The following TMEM62 variants were observed in gnomAD, a reference collection of about 807,000 sequenced individuals.
The protein encoded by TMEM62 is transmembrane protein 62.
TMEM62 carries 41 observed loss-of-function variants against 70.4 expected under a neutral mutation model. The ratio of observed to expected loss-of-function variants is 0.58; its 90% CI spans 0.45 to 0.76. The LOEUF (loss-of-function observed/expected upper bound fraction) is 0.76, where lower values mean the gene tolerates loss of function less well. TMEM62 is among the 30% of genes least tolerant of loss of function. TMEM62 has a pLI of 0.00. For synonymous variants in TMEM62, 268 were observed against 291.0 expected (o/e 0.92, Z 0.80); for missense variants, 688 against 788.5 (o/e 0.87, Z 1.53).
chr15:43,151,558 G>A (rs966433767), intron 7 of TMEM62, among the ~76,000 whole-genome samples: 3 of 152,302 alleles, frequency 2.0e-5, no homozygotes, highest in Middle Eastern at 3.4e-3. Flanking sequence ...ACCAGGTGTT[G>A]TTCAAGAGCA....
rs929877674 is a variant in TMEM62, at chr15:43,185,005, T to C, written c.*419T>C. ...TGCAATTTCAGGGGCAGGGAACCTT[T>C]GAGGATCTGGGCCCGACCCTCACTA... On this transcript the variant is annotated 3_prime_UTR_variant, in exon 14 of 14. Coordinates refer to ENST00000260403, the MANE Select transcript of TMEM62 (RefSeq NM_024956.4). 1.8e-4 allele frequency: 45 copies of C among 249,554 alleles called. No homozygotes were observed. Among genetic ancestry groups the C allele is most frequent in the Non-Finnish European group, 5.5e-5 (7 of 127,828 alleles). The allele number at this position is 249,554 out of a possible 1,614,324, so 15.5% of individuals were successfully genotyped here.
intron 10 of TMEM62, among the ~76,000 whole-genome samples, chr15:43,161,262 G>A: frequency 6.6e-6 from 1 of 152,064 alleles, no homozygotes; most frequent in East Asian, 1.9e-4. Context: ...AAGTTGATTT[G>A]AATTAAAAGA....
intron 11 of TMEM62, 139 bp from the exon 12 acceptor site, chr15:43,178,468 G>A: frequency 2.0e-6 from 1 of 502,800 alleles, no homozygotes; most frequent in Admixed American, 3.8e-5. Flanking sequence ...ATTTAAAGTG[G>A]TGTCATCTGT....
chr15:43,176,437 G>A (rs539306426), intron 11 of TMEM62, among the ~76,000 whole-genome samples: 1 of 152,234 alleles, frequency 6.6e-6, no homozygotes, highest in African/African-American at 2.4e-5. Flanking sequence ...GGCACCCCCA[G>A]TAGGGGCAGA....
chr15:43,160,436 G>A, intron 9 of TMEM62: 1 of 394,694 alleles, frequency 2.5e-6, no homozygotes, highest in South Asian at 4.1e-5. Flanking sequence ...CTATAGTCCT[G>A]CAGCTGTATC....
rs751658677 is a variant in TMEM62, at chr15:43,151,083, G to A, written c.867-707G>A. Among the ~76,000 whole-genome samples the A allele has an allele frequency of 6.6e-5, 10 of 152,172 alleles. 1 individual carries two copies. The highest frequency in any genetic ancestry group is 1.4e-4 in the African/African-American group (6 of 41,536). Reference sequence around the variant, plus strand: ...TTTAATGCTAGGCATGGTGGCTTACGCCTATAATCCCAGCACTTTGGGAAG... The same window carrying A: ...TTTAATGCTAGGCATGGTGGCTTACACCTATAATCCCAGCACTTTGGGAAG... On this transcript the variant is annotated intron_variant, in intron 7 of 13. Coordinates refer to ENST00000260403, the MANE Select transcript of TMEM62 (RefSeq NM_024956.4).
rs1439549841 is a variant in TMEM62, at chr15:43,184,524, A to G, written c.1870A>G (p.Thr624Ala). ...LTPVLIRYVW[T>A]LNSTKFGIFM... Reference sequence around the variant, plus strand: ...ACCTGTTCTCATTCGTTATGTGTGGACACTGAACTCCACCAAGTTTGGAAT... The same window carrying G: ...ACCTGTTCTCATTCGTTATGTGTGGGCACTGAACTCCACCAAGTTTGGAAT... Residue 624 changes from threonine (T) to alanine (A), a missense_variant, in exon 14 of 14, where the codon ACA becomes GCA. Transcript: ENST00000260403. 1 of 1,613,226 alleles carries G rather than the reference A, an allele frequency of 6.2e-7. No homozygotes were observed. Among genetic ancestry groups the G allele is most frequent in the Non-Finnish European group, 8.5e-7 (1 of 1,180,030 alleles).
intron 10 of TMEM62, among the ~76,000 whole-genome samples, chr15:43,167,179 T>G (rs1264467622): frequency 5.4e-5 from 8 of 146,974 alleles, no homozygotes; most frequent in African/African-American, 2.0e-4. Context: ...CCCCCCCACC[T>G]CCCTCCCGGA....
At chr15:43,184,119 G>A in intron 13 of TMEM62, 141 bp from the exon 14 acceptor site, 1 of 699,592 alleles carries the variant, frequency 1.4e-6, no homozygotes, top group Non-Finnish European at 2.4e-6. Context: ...CAGCTGTTGT[G>A]TTATAAGCAA....
intron 9 of TMEM62, among the ~76,000 whole-genome samples, chr15:43,157,861 GATAGATAA>G (rs2038228264): frequency 6.6e-6 from 1 of 152,190 alleles, no homozygotes; most frequent in Non-Finnish European, 1.5e-5. Context: ...TAGGCAGATA[GATAGATAA>G]ATAGATATGT....
chr15:43,177,057 C>T (rs938047123), intron 11 of TMEM62, among the ~76,000 whole-genome samples: 38 of 151,996 alleles, frequency 2.5e-4, no homozygotes, highest in Admixed American at 1.2e-3. Flanking sequence ...CCTCAGGAGC[C>T]GATGCGATCA....
At position 43,135,500 on chromosome 15, in the gene TMEM62, G is replaced by C. The variant is rs1487855597; in HGVS notation, c.293-12G>C. The C allele has an allele frequency of 6.3e-7, 1 of 1,576,752 alleles. No homozygotes were observed. Among genetic ancestry groups the C allele is most frequent in the Non-Finnish European group, 8.5e-7 (1 of 1,170,452 alleles). On this transcript the variant is annotated splice_polypyrimidine_tract_variant and intron_variant, in intron 2 of 13. Transcript: ENST00000260403. ...TTTTGCATTGTGATTCAATTCTTGT[G>C]TAAACCTACAGGAGACCTGACAGAT...
At chr15:43,166,834 A>T (rs2039481000) in intron 10 of TMEM62, among the ~76,000 whole-genome samples, 1 of 152,200 alleles carries the variant, frequency 6.6e-6, no homozygotes, top group Non-Finnish European at 1.5e-5. Flanking sequence ...CACATGTTTC[A>T]GAGAGCACAG....
intron 9 of TMEM62, among the ~76,000 whole-genome samples, chr15:43,159,167 G>T (rs553200852): frequency 6.6e-6 from 1 of 152,238 alleles, no homozygotes; most frequent in South Asian, 2.1e-4. Flanking sequence ...TTTGATACAG[G>T]CATGCAATGC....
chr15:43,140,393 C>T (rs763520746), intron 4 of TMEM62, among the ~76,000 whole-genome samples: 3 of 152,216 alleles, frequency 2.0e-5, no homozygotes, highest in African/African-American at 4.8e-5. Flanking sequence ...GTTGCAGACA[C>T]TGAACCACCA....
chr15:43,174,058 T>G (rs916396052), intron 11 of TMEM62, among the ~76,000 whole-genome samples: 7 of 151,880 alleles, frequency 4.6e-5, no homozygotes, highest in African/African-American at 1.5e-4. Context: ...AGAGATGGGT[T>G]TCACCATGTT....
intron 11 of TMEM62, among the ~76,000 whole-genome samples, chr15:43,173,118 C>G (rs1395343139): frequency 2.0e-5 from 3 of 152,186 alleles, no homozygotes. Context: ...ATCCCAGCTA[C>G]TCAGGAGGCT....
intron 10 of TMEM62, among the ~76,000 whole-genome samples, chr15:43,168,027 G>C (rs2039739306): frequency 6.6e-6 from 1 of 152,100 alleles, no homozygotes; most frequent in Non-Finnish European, 1.5e-5. Flanking sequence ...GGCAGGCTGA[G>C]GCAGGAGACT....
chr15:43,151,784 C>T lies in TMEM62; in HGVS notation c.867-6C>T, dbSNP rs2037422518. ...CTAAATTACCTTATCATTATCTGGT[C>T]TTTAGGTACCGGATTTTTGCTTTTG... On this transcript the variant is annotated splice_region_variant and splice_polypyrimidine_tract_variant and intron_variant, in intron 7 of 13. Transcript: ENST00000260403. 6.2e-7 allele frequency: 1 copy of T among 1,612,464 alleles called. No individual in the cohort carries two copies. Among genetic ancestry groups the T allele is most frequent in the South Asian group, 1.1e-5 (1 of 90,810 alleles).
Sources: gnomAD v4.1 joint callset for allele counts (sites outside exome capture counted in the v4.1 genomes callset) on GRCh38, gnomAD v4.1.1 for gene constraint, MANE v1.5 for transcripts, NCBI Gene and HGNC (gene_info 2026-07-23, HGNC 2026-07-21) for gene names.